The following MAGEB6B variants were observed in gnomAD, a reference collection of about 807,000 sequenced individuals.
MAGEB6B encodes MAGE family member B6B, also known as melanoma-associated antigen B6B.
For missense variants in MAGEB6B, 277 were observed against 251.5 expected (o/e 1.10, Z -0.69); for synonymous variants, 107 against 102.3 (o/e 1.05, Z -0.27).
exon 1 of MAGEB6B, chrX:26,160,687 G>A (rs777968502): frequency 8.7e-6 from 5 of 572,379 alleles, no homozygotes; most frequent in East Asian, 3.2e-5. Context: ...CAGGTCCCCA[G>A]GCCACTGCAG....
At chrX:26,162,308 GA>G (rs1928701820), downstream of MAGEB6B, among the ~76,000 whole-genome samples, 1 of 112,125 alleles carries the variant, frequency 8.9e-6, no homozygotes, top group Admixed American at 9.5e-5. Context: ...TGAAGAGAAA[GA>G]AAAGGAAAAA....
At chrX:26,161,783 T>C (rs1474070724) in exon 1 of MAGEB6B, 3 of 1,208,763 alleles carry the variant, frequency 2.5e-6, no homozygotes, top group Non-Finnish European at 3.4e-6. Context: ...TGAAGACGCT[T>C]TGACAGATGA....
At chrX:26,161,585 C>T in exon 1 of MAGEB6B, 2 of 1,210,822 alleles carry the variant, frequency 1.7e-6, no homozygotes, top group East Asian at 3.0e-5. Context: ...TGGGGATGCT[C>T]GGAAGATCAT....
downstream of MAGEB6B, chrX:26,161,957 T>C: frequency 1.7e-6 from 1 of 575,699 alleles, no homozygotes; most frequent in East Asian, 3.3e-5. Flanking sequence ...TTCTAAGTAG[T>C]GCAGTATAGT....
chrX:26,162,097 A>G (rs1928698625), downstream of MAGEB6B, among the ~76,000 whole-genome samples: 1 of 112,396 alleles, frequency 8.9e-6, no homozygotes, highest in African/African-American at 3.2e-5. Flanking sequence ...TTTGCTTCAG[A>G]TTATACATTT....
At chrX:26,161,158 C>G in exon 1 of MAGEB6B, 1 of 786,724 alleles carries the variant, frequency 1.3e-6, no homozygotes, top group Non-Finnish European at 2.0e-6. Flanking sequence ...GAGCTGCGTT[C>G]TTTACAACCA....
At chrX:26,160,607 C>T (rs761939709) in exon 1 of MAGEB6B, 4 of 567,692 alleles carry the variant, frequency 7.0e-6, no homozygotes, top group South Asian at 6.7e-5. Flanking sequence ...CACCATGCCT[C>T]GGGGTCAGAA....
chrX:26,162,265 G>T (rs1424472570), downstream of MAGEB6B, among the ~76,000 whole-genome samples: 1 of 111,926 alleles, frequency 8.9e-6, no homozygotes, highest in Admixed American at 9.5e-5. Context: ...GAATCTTAAA[G>T]AACTCCACAG....
chrX:26,161,080 T>A, exon 1 of MAGEB6B: 1 of 1,120,969 alleles, frequency 8.9e-7, no homozygotes, highest in Admixed American at 2.2e-5. Context: ...CTGATGCAGA[T>A]GTTTCAGGCT....
chrX:26,160,635 G>T, exon 1 of MAGEB6B: 1 of 571,641 alleles, frequency 1.7e-6, no homozygotes, highest in Non-Finnish European at 3.2e-6. Flanking sequence ...CTCCGTGCCC[G>T]TGGGAAACGC....
exon 1 of MAGEB6B, chrX:26,160,917 C>G (rs757362754): frequency 1.6e-6 from 1 of 610,801 alleles, no homozygotes; most frequent in South Asian, 2.2e-5. Flanking sequence ...TCTCAAGAGT[C>G]TCAGGGAGCT....
In MAGEB6B at chrX:26,161,137, C is replaced by T; in HGVS notation, c.537C>T (p.Ser179=). ...AGGGTCAAGATGAGGAAAGTTTAAG[C>T]TCCTCCAAGAGAGCTGCGTTCTTTA... Residue 179 remains serine, a synonymous_variant, in exon 1 of 1, where the codon AGC becomes AGT. Coordinates refer to ENST00000416929, the Ensembl canonical transcript of MAGEB6B. 6.7e-6 allele frequency: 6 copies of T among 890,003 alleles called. No individual in the cohort carries two copies. The Middle Eastern group carries it at 1.6e-3, about 238-fold the overall frequency. The allele number at this position is 890,003 out of a possible 1,213,427, so 73.3% of individuals were successfully genotyped here.
downstream of MAGEB6B, chrX:26,161,929 A>G (rs1044205212): frequency 1.5e-4 from 110 of 755,926 alleles, no homozygotes; most frequent in Non-Finnish European, 1.9e-4. Context: ...GCTTTATGTT[A>G]GAAGAGAGTA....
At chrX:26,160,819 T>C in exon 1 of MAGEB6B, 1 of 626,395 alleles carries the variant, frequency 1.6e-6, no homozygotes, top group Non-Finnish European at 2.8e-6. Flanking sequence ...CTGGCTATCC[T>C]GATGCAGGTG....
rs758180391 is a variant in MAGEB6B at position 26,160,778 on chromosome X, G to A, written c.178G>A (p.Val60Ile). The A allele has an allele frequency of 2.2e-5, 13 of 595,537 alleles. No homozygotes were observed. In the South Asian group the frequency reaches 2.2e-4, roughly 10 times the overall value. The allele number at this position is 595,537 out of a possible 1,213,427, so 49.1% of individuals were successfully genotyped here. ...TCGTCGTAGGTCTTCTGGTTCCTCC[G>A]TTCCTCAGGAGTCTCAGGGAGCTTC... is the stretch of plus-strand genomic sequence containing the variant. The change falls in exon 1 of 1, where the codon GTT becomes ATT. Residue 60 changes from valine (V) to isoleucine (I), a missense_variant. Val to Ile is a conservative substitution (Grantham distance 29). Transcript: ENST00000416929.
Position 26,161,184 on chromosome X carries a change from TA to T in MAGEB6B, c.589del (p.Arg197GlyfsTer21). 1.3e-6 allele frequency: 1 copy of T among 764,958 alleles called. No homozygotes were observed. The highest frequency in any genetic ancestry group is 2.0e-6 in the Non-Finnish European group (1 of 488,056). 63.0% of individuals were successfully genotyped at this position (764,958 alleles called of 1,213,427 possible). A position where few individuals can be genotyped will look rare whatever the true frequency, so the allele number is the denominator to read the frequency against. On this transcript the variant is annotated frameshift_variant, in exon 1 of 1. Transcript: ENST00000416929. LOFTEE classifies it low-confidence loss of function (END_TRUNC). ...TTTACAACCACAGACGGAGATCCTA[TA>T]AAAAGGAAGGCAAACAAGATGGTGC...
chrX:26,161,844 C>T (rs1928695313), downstream of MAGEB6B: 3 of 1,188,702 alleles, frequency 2.5e-6, no homozygotes, highest in Non-Finnish European at 3.4e-6. Flanking sequence ...GGCACTGTTC[C>T]CTTGGCCAGG....
At chrX:26,160,835 T>A in exon 1 of MAGEB6B, 1 of 620,326 alleles carries the variant, frequency 1.6e-6, no homozygotes, top group Non-Finnish European at 2.8e-6. Flanking sequence ...AGGTGCTTCA[T>A]GCTCAAAATA....
At chrX:26,160,790 T>G (rs1185141188) in exon 1 of MAGEB6B, 5 of 605,544 alleles carry the variant, frequency 8.3e-6, no homozygotes, top group Non-Finnish European at 1.5e-5. Context: ...TCCTCAGGAG[T>G]CTCAGGGAGC....
Sources: allele counts gnomAD v4.1 joint callset (sites outside exome capture counted in the v4.1 genomes callset), GRCh38; gene constraint gnomAD v4.1.1; transcripts MANE v1.5; gene names NCBI Gene and HGNC (gene_info 2026-07-23, HGNC 2026-07-21).